GPR149: variants seen among roughly 807,000 people sequenced by gnomAD.
GPR149 encodes the protein G protein-coupled receptor 149, also known as probable G protein-coupled receptor 149.
In GPR149, 50 loss-of-function variants were observed where a neutral mutation model predicts 50.2. The ratio of observed to expected loss-of-function variants is 1.00; its 90% CI spans 0.79 to 1.26. GPR149 has a LOEUF of 1.26. Ranked by LOEUF, GPR149 falls within the 50% of genes most tolerant of loss-of-function variation. The probability of loss-of-function intolerance (pLI) is 0.00; values close to 1 mark genes in which losing one functional copy is unlikely to be tolerated. For synonymous variants in GPR149, 405 were observed against 358.2 expected, an observed-to-expected ratio of 1.13 and a Z score of -1.48; for missense variants, 983 against 895.4, an observed-to-expected ratio of 1.10 and a Z score of -1.25.
chr3:154,414,429 A>G, intron 3 of GPR149, among the ~76,000 whole-genome samples: 1 of 152,064 alleles, frequency 6.6e-6, no homozygotes. Context: ...AATCGTAGAA[A>G]TAGAAAATTA....
intron 3 of GPR149, among the ~76,000 whole-genome samples, chr3:154,410,317 C>T (rs569537523): frequency 5.9e-5 from 9 of 151,960 alleles, no homozygotes; most frequent in African/African-American, 2.2e-4. Flanking sequence ...ATAACAATAA[C>T]AATGAAAAAA....
intron 2 of GPR149, among the ~76,000 whole-genome samples, chr3:154,423,772 C>T (rs1475346819): frequency 6.6e-6 from 1 of 151,546 alleles, no homozygotes; most frequent in Non-Finnish European, 1.5e-5. Context: ...AAGATTAGGT[C>T]TTTTTAAAAA....
chr3:154,361,716 G>A (rs545300664), intron 3 of GPR149, among the ~76,000 whole-genome samples: 42 of 152,104 alleles, frequency 2.8e-4, no homozygotes, highest in African/African-American at 1.0e-3. Flanking sequence ...TAGGAATCTG[G>A]GTATCCACCT....
At chr3:154,381,279 A>G (rs16823930) in intron 3 of GPR149, among the ~76,000 whole-genome samples, 2,908 of 152,264 alleles carry the variant, frequency 0.019, 80 homozygotes, top group African/African-American at 0.067. Flanking sequence ...TGCTATTCAC[A>G]TGATCTCATC....
At chr3:154,418,051 G>A (rs942057283) in intron 3 of GPR149, among the ~76,000 whole-genome samples, 1 of 150,054 alleles carries the variant, frequency 6.7e-6, no homozygotes, top group Non-Finnish European at 1.5e-5. Context: ...GCAGCCAAAA[G>A]ACACATGAAA....
At chr3:154,395,536 C>T (rs924670155) in intron 3 of GPR149, among the ~76,000 whole-genome samples, 3 of 151,606 alleles carry the variant, frequency 2.0e-5, no homozygotes, top group Admixed American at 6.6e-5. Context: ...TGCCTGTAAC[C>T]CTAGCACTTT....
chr3:154,355,897 C>T (rs1409808961), intron 3 of GPR149, among the ~76,000 whole-genome samples: 1 of 152,010 alleles, frequency 6.6e-6, no homozygotes, highest in Non-Finnish European at 1.5e-5. Flanking sequence ...TTGCTATACT[C>T]CAGAAAAGGT....
intron 3 of GPR149, among the ~76,000 whole-genome samples, chr3:154,403,838 C>G (rs1011725799): frequency 1.3e-5 from 2 of 151,936 alleles, no homozygotes; most frequent in African/African-American, 2.4e-5. Flanking sequence ...GTGGCACTAT[C>G]CAATAGAACT....
intron 3 of GPR149, among the ~76,000 whole-genome samples, chr3:154,417,175 C>G (rs1029270910): frequency 1.3e-5 from 2 of 151,756 alleles, no homozygotes; most frequent in African/African-American, 4.9e-5. Flanking sequence ...GACTTTCTAA[C>G]TAAAAAACTC....
At position 154,419,739 on chromosome 3, in the gene GPR149, CTT is replaced by C. The variant is rs547035446; in HGVS notation, c.1623+1298_1623+1299del. The stretch of plus-strand genomic sequence containing the variant: ...TATATGCGCTTCATTATGAATATAA[CTT>C]AACAATTTCTAAGTGCAACACTAAG... On this transcript the variant is annotated intron_variant, in intron 3 of 3. Transcript: ENST00000389740. 1.2e-4 allele frequency among the ~76,000 whole-genome samples: 18 copies of C among 152,032 alleles called. No homozygotes were observed. The East Asian group carries it at 2.5e-3, about 21-fold the overall frequency.
At chr3:154,347,880 C>T (rs2108387153) in intron 3 of GPR149, among the ~76,000 whole-genome samples, 1 of 152,240 alleles carries the variant, frequency 6.6e-6, no homozygotes, top group African/African-American at 2.4e-5. Flanking sequence ...GCAAAAATGG[C>T]AAACGTGGGA....
At chr3:154,357,795 C>T (rs62277008) in intron 3 of GPR149, among the ~76,000 whole-genome samples, 2,612 of 152,264 alleles carry the variant, frequency 0.017, 38 homozygotes, top group Non-Finnish European at 0.027. Context: ...ACTGGGTATA[C>T]ACCCAAAGGA....
Position 154,335,009 on chromosome 3 carries a change from TTGCCTC to T in GPR149, c.*2684_*2689del, listed in dbSNP as rs1037459004. On this transcript the variant is annotated 3_prime_UTR_variant, in exon 4 of 4. Transcript: ENST00000389740. ...TGTGCCATTTGCTATCTTCAAAGAGTTGCCTCTGTCAGTCACAACTCTCAGAAGTCT... is the reference window on the plus strand; with the variant it reads ...TGTGCCATTTGCTATCTTCAAAGAGTTGTCAGTCACAACTCTCAGAAGTCT... 3 of 152,104 alleles carry T rather than the reference TTGCCTC, an allele frequency of 2.0e-5. No homozygotes were observed. Among genetic ancestry groups the T allele is most frequent in the African/African-American group, 7.2e-5 (3 of 41,440 alleles). 9.4% of individuals were successfully genotyped at this position (152,104 alleles called of 1,614,324 possible).
chr3:154,342,109 CA>C (rs1301383911), intron 3 of GPR149, among the ~76,000 whole-genome samples: 1 of 152,002 alleles, frequency 6.6e-6, no homozygotes, highest in Non-Finnish European at 1.5e-5. Flanking sequence ...AAGACCTTTC[CA>C]AATCTGGAAT....
intron 3 of GPR149, chr3:154,353,287 G>T: frequency 7.0e-7 from 1 of 1,424,480 alleles, no homozygotes; most frequent in South Asian, 1.1e-5. Context: ...TATCCAATAA[G>T]GTCAACCTGT....
chr3:154,356,984 A>T lies in GPR149; in HGVS notation c.1624-18713T>A, dbSNP rs527424061. 1.1e-3 allele frequency among the ~76,000 whole-genome samples: 168 copies of T among 152,326 alleles called. 1 individual carries two copies. The highest frequency in any genetic ancestry group is 3.9e-3 in the African/African-American group (162 of 41,582). ...GCATGGTACTGGTATCAAAACAGAG[A>T]TATAGACCAATGGAACAGAACAGAG... On this transcript the variant is annotated intron_variant, in intron 3 of 3. Transcript: ENST00000389740.
intron 3 of GPR149, among the ~76,000 whole-genome samples, chr3:154,348,462 T>C (rs891459129): frequency 6.6e-6 from 1 of 152,174 alleles, no homozygotes; most frequent in Non-Finnish European, 1.5e-5. Context: ...GCTATAGTGA[T>C]ATCACATAAA....
rs1446475947 is a variant in GPR149 at position 154,430,171 on chromosome 3, C to G, written c.-556G>C. 6.6e-6 allele frequency among the ~76,000 whole-genome samples: 1 copy of G among 151,534 alleles called. No homozygotes were observed. Among genetic ancestry groups the G allele is most frequent in the African/African-American group, 2.4e-5 (1 of 41,192 alleles). ...AGAGAGAGAGAGGGCGAGCGCGAGC[C>G]AGTCAGAGGGAGCTTGTGCACAGAA... On this transcript the variant is annotated 5_prime_UTR_variant, in exon 1 of 4. Transcript: ENST00000389740.
intron 3 of GPR149, among the ~76,000 whole-genome samples, chr3:154,408,039 G>C (rs1559987526): frequency 6.6e-6 from 1 of 152,072 alleles, no homozygotes; most frequent in Non-Finnish European, 1.5e-5. Context: ...ATAAATGATA[G>C]CATAGTTTAT....
Sources: gnomAD v4.1 joint callset for allele counts (sites outside exome capture counted in the v4.1 genomes callset) on GRCh38, gnomAD v4.1.1 for gene constraint, MANE v1.5 for transcripts, NCBI Gene and HGNC (gene_info 2026-07-23, HGNC 2026-07-21) for gene names.